Variants in MYOM1 observed in about 807,000 individuals in gnomAD.
MYOM1 encodes the protein myomesin 1.
In MYOM1, 164 loss-of-function variants were observed where a neutral mutation model predicts 205.3. The observed-to-expected ratio is 0.80, with a 90% CI of 0.70 to 0.91. The LOEUF (loss-of-function observed/expected upper bound fraction) is 0.91, where lower values mean the gene tolerates loss of function less well. Ranked by LOEUF, MYOM1 falls within the 40% of genes least tolerant of loss-of-function variation. MYOM1 has a pLI of 0.00. For missense variants in MYOM1, 2,011 were observed against 2,127.3 expected (o/e 0.95, Z 1.08); for synonymous variants, 772 against 789.4 (o/e 0.98, Z 0.37).
chr18:3,198,774 C>T (rs2081026511), intron 2 of MYOM1, among the ~76,000 whole-genome samples: 1 of 149,308 alleles, frequency 6.7e-6, no homozygotes, highest in Non-Finnish European at 1.5e-5. Flanking sequence ...CAGAGGGAGA[C>T]TCTGTCTCAA....
intron 5 of MYOM1, among the ~76,000 whole-genome samples, chr18:3,182,576 A>G (rs1312098913): frequency 1.3e-5 from 2 of 152,232 alleles, no homozygotes; most frequent in African/African-American, 4.8e-5. Flanking sequence ...CTAAGGGTGC[A>G]CAGTGAACCC....
rs781647654 is a variant in MYOM1, at chr18:3,193,881, A to G, written c.368T>C (p.Leu123Pro). The stretch of plus-strand genomic sequence containing the variant: ...ATTTTCTTTCTCTTCTCCAGACAGT[A>G]GGCTGTGCTTGGCTCTCTTTGGTTT... The part of the protein sequence containing the change: ...SPKPKRAKHS[L>P]LSGEEKENLP... The change falls in exon 3 of 38, where the codon CTA (leucine) becomes CCA (proline). Residue 123 changes from leucine to proline, a missense_variant. Leu to Pro is a moderately conservative substitution (Grantham distance 98, BLOSUM62 -3). Transcript: ENST00000356443. The G allele has an allele frequency of 1.2e-6, 2 of 1,613,950 alleles. No homozygotes were observed. Among genetic ancestry groups the G allele is most frequent in the Admixed American group, 3.3e-5 (2 of 60,022 alleles).
At chr18:3,157,818 T>C (rs1462039987) in intron 10 of MYOM1, among the ~76,000 whole-genome samples, 1 of 151,764 alleles carries the variant, frequency 6.6e-6, no homozygotes, top group East Asian at 1.9e-4. Context: ...AACACAGTAT[T>C]TGGCTTCTAG....
rs562086085 is a variant in MYOM1, at chr18:3,079,463, CAT to C, written c.4485-123_4485-122del. Reference sequence around the variant, plus strand: ...AGGCTTTCAAAAAACGAGGGATCTGCATATGTTATTCTTCTGCTTCAGAAAAA... The same window carrying C: ...AGGCTTTCAAAAAACGAGGGATCTGCATGTTATTCTTCTGCTTCAGAAAAA... On this transcript the variant is annotated intron_variant, in intron 33 of 37. Transcript: ENST00000356443. The C allele has an allele frequency of 1.2e-4, 135 of 1,100,784 alleles. No homozygotes were observed. In the South Asian group the frequency reaches 2.3e-3, roughly 19 times the overall value. The allele number at this position is 1,100,784 out of a possible 1,614,324, so 68.2% of individuals were successfully genotyped here.
chr18:3,090,553 AG>A, intron 27 of MYOM1, 104 bp downstream of exon 27: 1 of 1,442,828 alleles, frequency 6.9e-7, no homozygotes, highest in Non-Finnish European at 9.5e-7. Context: ...AAGTCAATTA[AG>A]AAAAAATTCC....
rs1357122608 is a variant in MYOM1 at position 3,135,762 on chromosome 18, C to G, written c.2026-32G>C. On this transcript the variant is annotated intron_variant, in intron 14 of 37. Transcript: ENST00000356443. This position sits in a 1 kb window ranked among gnomAD's most constrained non-coding sequence, Gnocchi z 4.1. ...CAAGAACAGGGAAACCCATTGAAAG[C>G]ACAGCAAACACAAGCGAGAATCCAG... 1 of 1,610,238 alleles carries G rather than the reference C, an allele frequency of 6.2e-7. No individual in the cohort carries two copies. The highest frequency in any genetic ancestry group is 1.3e-5 in the African/African-American group (1 of 74,806).
intron 5 of MYOM1, among the ~76,000 whole-genome samples, chr18:3,180,242 C>G (rs1331745852): frequency 6.6e-6 from 1 of 152,132 alleles, no homozygotes; most frequent in Non-Finnish European, 1.5e-5. Flanking sequence ...ATACCTTTTC[C>G]CCAGCTAACA....
chr18:3,133,722 A>G (rs2079910392), intron 16 of MYOM1, among the ~76,000 whole-genome samples: 1 of 152,256 alleles, frequency 6.6e-6, no homozygotes, highest in Non-Finnish European at 1.5e-5. Flanking sequence ...CAAAAGCACT[A>G]TGAAATGAAC....
chr18:3,220,680 A>G (rs2081321209), upstream of MYOM1, among the ~76,000 whole-genome samples: 1 of 152,176 alleles, frequency 6.6e-6, no homozygotes. Context: ...TTCAGACCAG[A>G]TCTAGATCCC....
intron 14 of MYOM1, among the ~76,000 whole-genome samples, chr18:3,139,424 C>A (rs750765501): frequency 5.9e-5 from 9 of 152,186 alleles, no homozygotes; most frequent in Admixed American, 6.5e-5. Context: ...TTGCTATAAA[C>A]CCTTCAATTT....
chr18:3,113,023 C>A (rs12957474), intron 21 of MYOM1, among the ~76,000 whole-genome samples: 2 of 151,934 alleles, frequency 1.3e-5, no homozygotes, highest in Non-Finnish European at 2.9e-5. Context: ...TTGTGAATAA[C>A]CAAAGTGTAT....
At position 3,153,389 on chromosome 18, in the gene MYOM1, G is replaced by A. The variant is rs574695655; in HGVS notation, c.1644-1496C>T. Among the ~76,000 whole-genome samples the A allele has an allele frequency of 2.0e-4, 30 of 152,272 alleles. No individual in the cohort carries two copies. In the East Asian group the frequency reaches 5.4e-3, roughly 27 times the overall value. On this transcript the variant is annotated intron_variant, in intron 11 of 37. Coordinates refer to ENST00000356443, the MANE Select transcript of MYOM1 (RefSeq NM_003803.4). ...GCAACGACCTTAAAGGGCGGTTATG[G>A]GTTAGTGGTTAATATATGCGAAGTG...
At chr18:3,245,218 T>C in the MYOM1 span, among the ~76,000 whole-genome samples, 1 of 152,212 alleles carries the variant, frequency 6.6e-6, no homozygotes, top group East Asian at 1.9e-4. Context: ...AAAAACATTA[T>C]AGGTAGTCAA....
intron 18 of MYOM1, among the ~76,000 whole-genome samples, chr18:3,127,305 A>ATATATTTTTTTTTTTTTTTT (rs56880961): frequency 4.2e-5 from 2 of 47,570 alleles, no homozygotes; most frequent in Admixed American, 2.9e-4. Flanking sequence ...ATATATATAT[A>ATATATTTTTTTTTTTTTTTT]TTTTTTTTTT....
chr18:3,075,605 T>C (rs774163920), intron 35 of MYOM1, 120 bp downstream of exon 35: 17 of 1,397,342 alleles, frequency 1.2e-5, no homozygotes, highest in Non-Finnish European at 1.7e-5. Context: ...TGGGAAGTGC[T>C]GCTTCTACTG....
chr18:3,246,954 G>C, the MYOM1 span: 1 of 152,182 alleles, frequency 6.6e-6, no homozygotes, highest in African/African-American at 2.4e-5. Context: ...TAGGCAAGCA[G>C]ACCTCAGGAG....
rs72860297 is a variant in MYOM1, at chr18:3,174,066, G to T, written c.1111+54C>A. ...TCGATTTATTTTAAAACCATGGGAA[G>T]AAATTTTTAAAAACACACACACACT... On this transcript the variant is annotated intron_variant, in intron 7 of 37. Transcript: ENST00000356443. The T allele has an allele frequency of 0.24, 387,452 of 1,601,864 alleles. 48,372 individuals carry two copies. Among genetic ancestry groups the T allele is most frequent in the East Asian group, 0.29 (13,020 of 44,814 alleles).
chr18:3,101,886 A>G (rs2143759591), intron 23 of MYOM1, among the ~76,000 whole-genome samples: 1 of 149,484 alleles, frequency 6.7e-6, no homozygotes, highest in South Asian at 2.1e-4. Flanking sequence ...GGGACTCACT[A>G]TGTTGCCCAG....
intron 33 of MYOM1, 111 bp downstream of exon 33, chr18:3,083,677 CT>C (rs1301651995): frequency 1.3e-4 from 94 of 699,156 alleles, no homozygotes; most frequent in Non-Finnish European, 2.0e-4. Flanking sequence ...AACTCCTGAC[CT>C]CAAATGATCC....
Sources: allele counts gnomAD v4.1 joint callset (sites outside exome capture counted in the v4.1 genomes callset), GRCh38; gene constraint gnomAD v4.1.1; non-coding constraint Gnocchi (gnomAD v3.1); transcripts MANE v1.5; gene names NCBI Gene and HGNC (gene_info 2026-07-23, HGNC 2026-07-21).